RELL1: variants seen among roughly 807,000 people sequenced by gnomAD.
The protein encoded by RELL1 is RELT-like protein 1.
Under a neutral mutation model 23.0 loss-of-function variants are expected in RELL1, and 10 were observed. The observed-to-expected ratio is 0.43, with a 90% confidence interval of 0.27 to 0.74. The LOEUF (loss-of-function observed/expected upper bound fraction) is 0.74. Among genes scored for constraint, RELL1 ranks in the 30% least tolerant of loss-of-function variants. The probability of loss-of-function intolerance (pLI) is 0.19; values close to 1 mark genes in which losing one functional copy is unlikely to be tolerated. For synonymous variants in RELL1, 146 were observed against 146.8 expected (o/e 0.99, Z 0.04); for missense variants, 315 against 364.4 (o/e 0.86, Z 1.10).
chr4:37,622,323 G>A lies in RELL1; in HGVS notation c.*4-8981C>T, dbSNP rs1005544860. On this transcript the variant is annotated intron_variant, in intron 6 of 6. Coordinates refer to ENST00000454158, the MANE Select transcript of RELL1 (RefSeq NM_001085400.2). ...TATATGCACAGCATAATCCTGAAAGGACATAGTGAACACTGATCACACTGG... is the reference window on the plus strand; with the variant it reads ...TATATGCACAGCATAATCCTGAAAGAACATAGTGAACACTGATCACACTGG... Among the ~76,000 whole-genome samples, 10 of 152,324 alleles carry A rather than the reference G, an allele frequency of 6.6e-5. No homozygotes were observed. The East Asian group carries it at 1.9e-3, about 29-fold the overall frequency.
chr4:37,617,855 G>A (rs1284824046), intron 6 of RELL1, among the ~76,000 whole-genome samples: 1 of 152,246 alleles, frequency 6.6e-6, no homozygotes, highest in African/African-American at 2.4e-5. Flanking sequence ...GTATTTCAAA[G>A]TAGTTGGGAA....
intron 1 of RELL1, among the ~76,000 whole-genome samples, chr4:37,654,614 C>T (rs745761445): frequency 5.3e-5 from 8 of 152,178 alleles, no homozygotes; most frequent in Non-Finnish European, 1.0e-4. Context: ...GTCTGAATCA[C>T]GAACAAGTTA....
chr4:37,605,807 G>GA (rs1259566813), downstream of RELL1, among the ~76,000 whole-genome samples: 1 of 95,700 alleles, frequency 1.0e-5, no homozygotes, highest in African/African-American at 3.4e-5. Context: ...AAGAAAGAAA[G>GA]AAAGAAAGAA....
Position 37,631,515 on chromosome 4 carries a change from A to C in RELL1, c.689T>G (p.Val230Gly). 6.2e-7 allele frequency: 1 copy of C among 1,613,704 alleles called. No homozygotes were observed. Among genetic ancestry groups the C allele is most frequent in the Non-Finnish European group, 8.5e-7 (1 of 1,179,888 alleles). ...GTTTGACTTGTGCTCCACTTTTGTAACTCTAAATCTGAGGGGGGAATGGGG... is the reference window on the plus strand; with the variant it reads ...GTTTGACTTGTGCTCCACTTTTGTACCTCTAAATCTGAGGGGGGAATGGGG... Reference protein sequence around the residue: ...VTVLSVGRFRVTKVEHKSNQK... With the variant: ...VTVLSVGRFRGTKVEHKSNQK... The change falls in exon 6 of 7, where the codon GTT becomes GGT. Residue 230 changes from valine (V) to glycine (G), a missense_variant. By Grantham distance (109) the Val-to-Gly change is moderately radical. Transcript: ENST00000454158.
At chr4:37,653,654 G>T (rs1721028138) in intron 1 of RELL1, among the ~76,000 whole-genome samples, 1 of 151,858 alleles carries the variant, frequency 6.6e-6, no homozygotes, top group Non-Finnish European at 1.5e-5. Context: ...TGAGAGGTGA[G>T]GTCTGTATCT....
At chr4:37,596,750 T>A (rs1260182818) in intron 6 of RELL1, among the ~76,000 whole-genome samples, 168 of 61,522 alleles carry the variant, frequency 2.7e-3, no homozygotes, top group African/African-American at 9.3e-3. Context: ...TTTTTTTTTT[T>A]TTTTTTTTTT....
chr4:37,645,761 A>G (rs1486705316), intron 3 of RELL1, among the ~76,000 whole-genome samples: 2 of 152,252 alleles, frequency 1.3e-5, no homozygotes, highest in African/African-American at 4.8e-5. Context: ...TTGAAGATTA[A>G]ATGAGATTAC....
rs773959986 is a variant in RELL1, at chr4:37,686,293, C to T, written c.-6G>A. 6.6e-7 allele frequency: 1 copy of T among 1,509,522 alleles called. No homozygotes were observed. Among genetic ancestry groups the T allele is most frequent in the African/African-American group, 1.4e-5 (1 of 69,572 alleles). The allele number at this position is 1,509,522 out of a possible 1,614,324, so 93.5% of individuals were successfully genotyped here. A position where few individuals can be genotyped will look rare whatever the true frequency, so the allele number is the denominator to read the frequency against. ...GGGAGTGCCCGCGGAGCCATCGCCGCGTCGCTTCGCCCTCCTCCCCCAGGG... is the reference window on the plus strand; with the variant it reads ...GGGAGTGCCCGCGGAGCCATCGCCGTGTCGCTTCGCCCTCCTCCCCCAGGG... On this transcript the variant is annotated 5_prime_UTR_variant, in exon 1 of 7. Coordinates refer to ENST00000454158, the MANE Select transcript of RELL1 (RefSeq NM_001085400.2).
chr4:37,634,626 T>C (rs1030923365), intron 5 of RELL1, among the ~76,000 whole-genome samples: 2 of 152,212 alleles, frequency 1.3e-5, no homozygotes, highest in African/African-American at 4.8e-5. Flanking sequence ...CTGTATACAG[T>C]TGAAAATCTG....
At chr4:37,614,551 T>C (rs1719510404) in intron 6 of RELL1, among the ~76,000 whole-genome samples, 2 of 152,056 alleles carry the variant, frequency 1.3e-5, no homozygotes, top group African/African-American at 4.8e-5. Flanking sequence ...AGATTTTTAC[T>C]GTAAAACTGA....
intron 1 of RELL1, among the ~76,000 whole-genome samples, chr4:37,669,097 G>C (rs1421484706): frequency 7.6e-6 from 1 of 132,116 alleles, no homozygotes; most frequent in East Asian, 2.2e-4. Context: ...CCGTCTGGGA[G>C]GTGAGGGGCG....
chr4:37,652,931 A>G (rs747728799), intron 1 of RELL1, among the ~76,000 whole-genome samples: 2 of 152,144 alleles, frequency 1.3e-5, no homozygotes, highest in Non-Finnish European at 2.9e-5. Flanking sequence ...CATACTAGAC[A>G]TGTCACCTTA....
intron 6 of RELL1, among the ~76,000 whole-genome samples, chr4:37,620,856 T>C (rs1004639981): frequency 1.3e-5 from 2 of 152,228 alleles, no homozygotes; most frequent in African/African-American, 4.8e-5. Context: ...TGATCCGATA[T>C]AGTAATTTAA....
At chr4:37,608,356 A>C (rs1719285961), downstream of RELL1, among the ~76,000 whole-genome samples, 1 of 152,242 alleles carries the variant, frequency 6.6e-6, no homozygotes, top group African/African-American at 2.4e-5. Flanking sequence ...GTGAATGCAA[A>C]GCAAAGCAAA....
intron 1 of RELL1, among the ~76,000 whole-genome samples, chr4:37,675,337 C>T (rs971383969): frequency 6.6e-6 from 1 of 152,212 alleles, no homozygotes; most frequent in Non-Finnish European, 1.5e-5. Context: ...ACAATGAACA[C>T]ACACCTCACG....
chr4:37,598,211 C>T (rs1350375419), intron 6 of RELL1, among the ~76,000 whole-genome samples: 1 of 93,042 alleles, frequency 1.1e-5, no homozygotes, highest in Non-Finnish European at 2.0e-5. Context: ...AAAGAATTTC[C>T]TTGAATGTTC....
At chr4:37,667,786 G>T (rs1721588689) in intron 1 of RELL1, among the ~76,000 whole-genome samples, 1 of 151,554 alleles carries the variant, frequency 6.6e-6, no homozygotes, top group African/African-American at 2.4e-5. Flanking sequence ...GCTGCCATTT[G>T]TAAGATACAA....
chr4:37,620,475 G>A (rs1719728828), intron 6 of RELL1, among the ~76,000 whole-genome samples: 1 of 152,176 alleles, frequency 6.6e-6, no homozygotes, highest in African/African-American at 2.4e-5. Flanking sequence ...AAGTTATTCT[G>A]TACCTGGAAA....
At chr4:37,672,690 G>A (rs1721872194) in intron 1 of RELL1, among the ~76,000 whole-genome samples, 1 of 127,608 alleles carries the variant, frequency 7.8e-6, no homozygotes, top group Non-Finnish European at 1.6e-5. Context: ...ATAATATGTA[G>A]GCATTGGATG....
Sources: allele counts gnomAD v4.1 joint callset (sites outside exome capture counted in the v4.1 genomes callset), GRCh38; gene constraint gnomAD v4.1.1; transcripts MANE v1.5; gene names NCBI Gene and HGNC (gene_info 2026-07-23, HGNC 2026-07-21).